NAE1: variants seen among roughly 807,000 people sequenced by gnomAD.
NAE1 encodes NEDD8-activating enzyme E1 regulatory subunit.
In NAE1, 59 loss-of-function variants were observed where a neutral mutation model predicts 88.0. That is an observed-to-expected ratio of 0.67 (90% CI 0.54 to 0.83). NAE1 has a LOEUF of 0.83. Ranked by LOEUF, NAE1 falls within the 40% of genes least tolerant of loss-of-function variation. The pLI is 0.00. For synonymous variants in NAE1, 186 were observed against 208.9 expected, an observed-to-expected ratio of 0.89 and a Z score of 0.95; for missense variants, 554 against 632.8, an observed-to-expected ratio of 0.88 and a Z score of 1.34.
intron 1 of NAE1, chr16:66,827,800 C>T (rs1428347356): frequency 1.7e-6 from 1 of 583,326 alleles, no homozygotes; most frequent in Non-Finnish European, 3.0e-6. Context: ...AGCAGATTAC[C>T]CCTTATTATG....
At chr16:66,814,610 T>TATACAC (rs35083626) in intron 11 of NAE1, among the ~76,000 whole-genome samples, 4 of 138,988 alleles carry the variant, frequency 2.9e-5, no homozygotes, top group East Asian at 2.1e-4. Context: ...AAAAAAAAAA[T>TATACAC]ACACACACAC....
chr16:66,821,820 G>C (rs934174331), intron 6 of NAE1, among the ~76,000 whole-genome samples: 2 of 152,150 alleles, frequency 1.3e-5, no homozygotes, highest in Non-Finnish European at 2.9e-5. Context: ...AAACGTTAAA[G>C]AAAGATAATT....
At chr16:66,813,177 C>T (rs456831) in intron 13 of NAE1, 79,829 of 162,464 alleles carry the variant, frequency 0.49, 20,430 homozygotes, top group East Asian at 0.63. Context: ...GGGTCTTGCT[C>T]TGTCACCCAG....
intron 6 of NAE1, among the ~76,000 whole-genome samples, chr16:66,822,377 C>T (rs1376248070): frequency 6.6e-6 from 1 of 152,090 alleles, no homozygotes; most frequent in African/African-American, 2.4e-5. Flanking sequence ...TTGAGATCAG[C>T]CTGGCCAACA....
intron 6 of NAE1, among the ~76,000 whole-genome samples, chr16:66,822,719 A>C (rs868688134): frequency 7.1e-6 from 1 of 140,866 alleles, no homozygotes; most frequent in Non-Finnish European, 1.5e-5. Flanking sequence ...CAAGGGCTGG[A>C]GTGTAGTGGC....
chr16:66,811,218 C>T (rs1331695553), intron 13 of NAE1, among the ~76,000 whole-genome samples: 1 of 152,122 alleles, frequency 6.6e-6, no homozygotes, highest in Non-Finnish European at 1.5e-5. Flanking sequence ...AGTACAGTGG[C>T]GCAGTCCTGG....
At chr16:66,823,079 A>T in intron 6 of NAE1, 148 bp downstream of exon 6, 1 of 324,260 alleles carries the variant, frequency 3.1e-6, no homozygotes, top group Non-Finnish European at 5.3e-6. Context: ...TCAAGCTCAA[A>T]AAAAAAAAAA....
chr16:66,821,395 T>C (rs1960251827), intron 7 of NAE1, 55 bp downstream of exon 7: 2 of 1,429,894 alleles, frequency 1.4e-6, no homozygotes, highest in South Asian at 3.2e-5. Context: ...TTGTCAAGTT[T>C]CTAAAATTAT....
intron 11 of NAE1, among the ~76,000 whole-genome samples, chr16:66,815,109 T>C (rs758994216): frequency 5.3e-5 from 8 of 152,196 alleles, no homozygotes; most frequent in Non-Finnish European, 7.4e-5. Context: ...GTCCCCAGCA[T>C]GCTCTCTGAC....
At chr16:66,824,914 A>G in intron 3 of NAE1, 29 bp from the exon 4 acceptor site, 3 of 1,589,818 alleles carry the variant, frequency 1.9e-6, no homozygotes. Flanking sequence ...AGGAAAAAAA[A>G]GTAAAGCTTA....
chr16:66,818,676 T>TA (rs747572422), intron 7 of NAE1, 39 bp from the exon 8 acceptor site: 35,579 of 1,088,656 alleles, frequency 0.033, no homozygotes, highest in South Asian at 0.046. Context: ...ATTTAACACT[T>TA]AAAAAAAAAA....
At chr16:66,809,349 T>A (rs1959695329) in intron 15 of NAE1, among the ~76,000 whole-genome samples, 1 of 152,216 alleles carries the variant, frequency 6.6e-6, no homozygotes. Flanking sequence ...TGATACTGTT[T>A]ACCTTTGAGA....
Position 66,808,502 on chromosome 16 carries a change from AT to A in NAE1, c.1330+18del. 7.0e-7 allele frequency: 1 copy of A among 1,435,160 alleles called. No homozygotes were observed. Among genetic ancestry groups the A allele is most frequent in the African/African-American group, 1.4e-5 (1 of 70,136 alleles). 88.9% of individuals were successfully genotyped at this position (1,435,160 alleles called of 1,614,324 possible). On this transcript the variant is annotated intron_variant, in intron 17 of 19. Transcript: ENST00000290810. ...ATTGAAGATCTTATTATATCTGGTA[AT>A]TCAATTGCTATTCTTACCTGGATAT...
Position 66,826,759 on chromosome 16 carries a change from T to C in NAE1, c.75A>G (p.Gln25=). 1.9e-6 allele frequency: 3 copies of C among 1,613,744 alleles called. No individual in the cohort carries two copies. The highest frequency in any genetic ancestry group is 2.5e-6 in the Non-Finnish European group (3 of 1,179,858). The change falls in exon 2 of 20, where the codon CAA becomes CAG. Residue 25 remains glutamine, a synonymous_variant. Coordinates refer to ENST00000290810, the MANE Select transcript of NAE1 (RefSeq NM_003905.4). Reference sequence around the variant, plus strand: ...AAACATGAGCAGATTCTAAAGCCTCTTGCCCATGATCACCCCACAACCTAC... The same window carrying C: ...AAACATGAGCAGATTCTAAAGCCTCCTGCCCATGATCACCCCACAACCTAC... ...RQLRLWGDHG[Q]EALESAHVCL...
chr16:66,815,023 G>C (rs574306232), intron 11 of NAE1, among the ~76,000 whole-genome samples: 1 of 152,182 alleles, frequency 6.6e-6, no homozygotes, highest in South Asian at 2.1e-4. Flanking sequence ...ACTTCACTCA[G>C]GCTTCTGCTT....
At chr16:66,821,647 A>C in intron 6 of NAE1, 88 bp from the exon 7 acceptor site, 12 of 1,118,268 alleles carry the variant, frequency 1.1e-5, no homozygotes, top group Non-Finnish European at 1.5e-5. Context: ...AATGTCTTAC[A>C]GCAACTTTCT....
Position 66,830,848 on chromosome 16 carries a change from T to C in NAE1, c.52A>G (p.Arg18Gly). Residue 18 changes from arginine to glycine, a missense_variant and splice_region_variant, in exon 1 of 20, where the codon AGG becomes GGG. Physicochemically the swap from Arg to Gly is moderately radical, Grantham distance 125 (BLOSUM62 -2). Coordinates refer to ENST00000290810, the MANE Select transcript of NAE1 (RefSeq NM_003905.4). ...LKEQKYDRQL[R>G]LWGDHGQEAL... is the part of the protein sequence containing the mutation. ...TCGGCTCGGTGAGCCTCGGCTCACC[T>C]CAGCTGCCGGTCGTACTTCTGCTCC... The C allele has an allele frequency of 6.6e-7, 1 of 1,518,858 alleles. No individual in the cohort carries two copies. Among genetic ancestry groups the C allele is most frequent in the Non-Finnish European group, 8.8e-7 (1 of 1,141,662 alleles). The allele number at this position is 1,518,858 out of a possible 1,614,324, so 94.1% of individuals were successfully genotyped here.
At chr16:66,816,870 A>G (rs1012325652) in intron 10 of NAE1, 95 bp downstream of exon 10, 2 of 1,522,808 alleles carry the variant, frequency 1.3e-6, no homozygotes, top group Admixed American at 2.4e-5. Context: ...TGATGCTATC[A>G]TCTGACAAAG....
chr16:66,812,488 C>T (rs952960345), intron 13 of NAE1, among the ~76,000 whole-genome samples: 2 of 146,920 alleles, frequency 1.4e-5, no homozygotes, highest in Non-Finnish European at 3.0e-5. Context: ...TTGCTTTGAG[C>T]TTAACAAGAA....
Sources: allele counts gnomAD v4.1 joint callset (sites outside exome capture counted in the v4.1 genomes callset), GRCh38; gene constraint gnomAD v4.1.1; transcripts MANE v1.5; gene names NCBI Gene and HGNC (gene_info 2026-07-23, HGNC 2026-07-21).